Variants in KIAA0586 observed in about 807,000 individuals in gnomAD.
KIAA0586 encodes the protein KIAA0586, also known as protein TALPID3.
Under a neutral mutation model 169.8 loss-of-function variants are expected in KIAA0586, and 144 were observed. The ratio of observed to expected loss-of-function variants is 0.85; its 90% CI spans 0.74 to 0.97. The LOEUF is 0.97. Among genes scored for constraint, KIAA0586 ranks in the 50% least tolerant of loss-of-function variants. The probability of loss-of-function intolerance (pLI) is 0.00; values close to 1 mark genes in which losing one functional copy is unlikely to be tolerated. For missense variants in KIAA0586, 1,854 were observed against 1,823.0 expected, an observed-to-expected ratio of 1.02 and a Z score of -0.31; for synonymous variants, 625 against 612.4, an observed-to-expected ratio of 1.02 and a Z score of -0.30.
chr14:58,538,601 T>C (rs949357575), intron 29 of KIAA0586, among the ~76,000 whole-genome samples: 5 of 152,018 alleles, frequency 3.3e-5, no homozygotes, highest in Admixed American at 1.3e-4. Context: ...TATTTTAAAA[T>C]GTGCAATTAA....
rs371424977 is a variant in KIAA0586 at position 58,490,223 on chromosome 14, C to T, written c.3841C>T (p.His1281Tyr). Residue 1281 changes from histidine (H) to tyrosine (Y), a missense_variant, in exon 25 of 31, where the codon CAT becomes TAT. His to Tyr is a moderately conservative substitution (Grantham distance 83). Coordinates refer to ENST00000652326, the MANE Select transcript of KIAA0586 (RefSeq NM_001329943.3). ...NLNDSLSSTL[H>Y]DAVEMEDDPP... is the part of the protein sequence containing the mutation. ...TAATGATAGCTTATCCAGCACTCTG[C>T]ATGATGCCGTTGAAATGGTAAGTAA... is the stretch of plus-strand genomic sequence containing the variant. The T allele has an allele frequency of 5.4e-5, 83 of 1,535,888 alleles. No individual in the cohort carries two copies. The highest frequency in any genetic ancestry group is 2.9e-4 in the Admixed American group (15 of 51,164).
chr14:58,494,924 A>G (rs2043063325), intron 26 of KIAA0586, among the ~76,000 whole-genome samples: 1 of 152,164 alleles, frequency 6.6e-6, no homozygotes. Context: ...TCTCAAATTA[A>G]TGGAGGAAGA....
intron 12 of KIAA0586, among the ~76,000 whole-genome samples, chr14:58,459,278 A>G (rs988534989): frequency 6.6e-6 from 1 of 152,130 alleles, no homozygotes; most frequent in African/African-American, 2.4e-5. Context: ...TTTCTAATGA[A>G]GTTATGAAAA....
chr14:58,449,654 C>T (rs1330812510), intron 7 of KIAA0586, among the ~76,000 whole-genome samples: 1 of 152,162 alleles, frequency 6.6e-6, no homozygotes, highest in Non-Finnish European at 1.5e-5. Context: ...GGTTACCTGA[C>T]TTGGGAGGGA....
At chr14:58,434,059 A>G (rs992341506) in intron 4 of KIAA0586, among the ~76,000 whole-genome samples, 1 of 152,130 alleles carries the variant, frequency 6.6e-6, no homozygotes, top group Non-Finnish European at 1.5e-5. Flanking sequence ...AAAAGCAGGG[A>G]AAGCAGAAGA....
intron 14 of KIAA0586, among the ~76,000 whole-genome samples, chr14:58,461,713 C>G (rs140803794): frequency 6.6e-6 from 1 of 152,228 alleles, no homozygotes; most frequent in East Asian, 1.9e-4. Context: ...TTCCTGAAGA[C>G]CTAGGTGCAT....
At chr14:58,456,610 G>A in intron 9 of KIAA0586, 92 bp from the exon 10 acceptor site, 1 of 691,242 alleles carries the variant, frequency 1.4e-6, no homozygotes, top group Non-Finnish European at 2.5e-6. Context: ...CTGTATCAAA[G>A]ATTTGTGTAA....
intron 19 of KIAA0586, 129 bp downstream of exon 19, chr14:58,474,926 A>T (rs915784800): frequency 1.4e-6 from 1 of 710,226 alleles, no homozygotes. Context: ...TAGTCACTGG[A>T]AAGTGTTTGA....
chr14:58,449,083 T>C (rs2039139694), intron 7 of KIAA0586, among the ~76,000 whole-genome samples: 1 of 152,248 alleles, frequency 6.6e-6, no homozygotes, highest in South Asian at 2.1e-4. Flanking sequence ...TTCTAAGTTA[T>C]TGATATTTGA....
rs763462983 is a variant in KIAA0586 at position 58,474,692 on chromosome 14, A to G, written c.2720A>G (p.Asn907Ser). 6.2e-7 allele frequency: 1 copy of G among 1,613,130 alleles called. No individual in the cohort carries two copies. Among genetic ancestry groups the G allele is most frequent in the Non-Finnish European group, 8.5e-7 (1 of 1,179,414 alleles). Reference sequence around the variant, plus strand: ...GTTAAAGCTGATTCTACAAAATATAATGGTCCTCCATTTCCGCCAGTTGCT... The same window carrying G: ...GTTAAAGCTGATTCTACAAAATATAGTGGTCCTCCATTTCCGCCAGTTGCT... ...RSVKADSTKY[N>S]GPPFPPVAST... is the part of the protein sequence containing the mutation. The change falls in exon 19 of 31, where the codon AAT becomes AGT. Residue 907 changes from asparagine (N) to serine (S), a missense_variant. Asn to Ser is a conservative substitution (Grantham distance 46). Coordinates refer to ENST00000652326, the MANE Select transcript of KIAA0586 (RefSeq NM_001329943.3).
intron 20 of KIAA0586, among the ~76,000 whole-genome samples, chr14:58,478,830 T>C (rs1442662944): frequency 6.6e-6 from 1 of 152,240 alleles, no homozygotes; most frequent in African/African-American, 2.4e-5. Context: ...ACATATGTAA[T>C]CATGCAATAT....
chr14:58,475,196 C>T (rs934598493), intron 19 of KIAA0586, among the ~76,000 whole-genome samples: 18 of 152,142 alleles, frequency 1.2e-4, no homozygotes, highest in African/African-American at 1.9e-4. Context: ...AGGTGAGCAG[C>T]GGGTGAGTGA....
At chr14:58,496,756 T>C (rs2043183384) in intron 26 of KIAA0586, among the ~76,000 whole-genome samples, 1 of 152,190 alleles carries the variant, frequency 6.6e-6, no homozygotes, top group Admixed American at 6.5e-5. Flanking sequence ...AAAAAAACAC[T>C]TGTTGGTTGA....
At chr14:58,432,289 TA>T in intron 3 of KIAA0586, 98 bp from the exon 4 acceptor site, 2 of 709,942 alleles carry the variant, frequency 2.8e-6, no homozygotes, top group Non-Finnish European at 4.7e-6. Context: ...GCTGAGTTCC[TA>T]AACATTCTTT....
intron 29 of KIAA0586, among the ~76,000 whole-genome samples, chr14:58,533,611 C>G (rs2046114509): frequency 6.6e-6 from 1 of 152,182 alleles, no homozygotes; most frequent in Admixed American, 6.5e-5. Flanking sequence ...ACTGTTTTCA[C>G]AGCCAACAAC....
rs1180574714 is a variant in KIAA0586, at chr14:58,457,898, T to A, written c.1502T>A (p.Leu501His). The A allele has an allele frequency of 1.9e-6, 3 of 1,606,810 alleles. No individual in the cohort carries two copies. Among genetic ancestry groups the A allele is most frequent in the Non-Finnish European group, 2.6e-6 (3 of 1,176,276 alleles). Residue 501 changes from leucine to histidine, a missense_variant, in exon 11 of 31, where the codon CTT (leucine) becomes CAT (histidine). Transcript: ENST00000652326. ...GGAGTACAAAACAATAAAAAAGTAC[T>A]TGAAGAAAACCTGGAAGCTATTATT... Reference protein sequence around the residue: ...LRGVQNNKKVLEENLEAIIRA... With the variant: ...LRGVQNNKKVHEENLEAIIRA...
chr14:58,449,513 A>G (rs1277423336), intron 7 of KIAA0586, among the ~76,000 whole-genome samples: 1 of 152,216 alleles, frequency 6.6e-6, no homozygotes, highest in Admixed American at 6.5e-5. Flanking sequence ...TGGGTGACAG[A>G]GCAAGACCCT....
intron 18 of KIAA0586, among the ~76,000 whole-genome samples, chr14:58,473,628 AG>A (rs1201360934): frequency 1.3e-5 from 2 of 152,184 alleles, no homozygotes; most frequent in African/African-American, 4.8e-5. Flanking sequence ...ACTTAAGGCC[AG>A]GTACAGTGGC....
At chr14:58,535,465 G>A (rs2046223172) in intron 29 of KIAA0586, among the ~76,000 whole-genome samples, 2 of 152,166 alleles carry the variant, frequency 1.3e-5, no homozygotes, top group South Asian at 4.1e-4. Context: ...AGTTAATTGT[G>A]ATTTGCATTC....
Sources: allele counts gnomAD v4.1 joint callset (sites outside exome capture counted in the v4.1 genomes callset), GRCh38; gene constraint gnomAD v4.1.1; transcripts MANE v1.5; gene names NCBI Gene and HGNC (gene_info 2026-07-23, HGNC 2026-07-21).